The following CYLC2 variants were observed in gnomAD, a reference collection of about 807,000 sequenced individuals.
CYLC2 encodes cylicin 2, also known as cylicin-2.
A neutral mutation model predicts 26.1 loss-of-function variants in CYLC2; 30 were observed. That is an observed-to-expected ratio of 1.15 (90% CI 0.86 to 1.56). The LOEUF is 1.56. CYLC2 is among the 40% of genes most tolerant of loss of function. The pLI, the probability that CYLC2 is intolerant of heterozygous loss-of-function variation, is 0.00. For synonymous variants in CYLC2, 158 were observed against 132.8 expected, an observed-to-expected ratio of 1.19 and a Z score of -1.31; for missense variants, 498 against 394.4, an observed-to-expected ratio of 1.26 and a Z score of -2.23.
rs140387821 is a variant in CYLC2, at chr9:103,003,159, A to C, written c.76A>C (p.Lys26Gln). Residue 26 changes from lysine (K) to glutamine (Q), a missense_variant, in exon 3 of 8, where the codon AAA (lysine) becomes CAA (glutamine). Lys to Gln is a moderately conservative substitution (Grantham distance 53). Coordinates refer to ENST00000374798, the MANE Select transcript of CYLC2 (RefSeq NM_001340.5). ...NYIPVSELSK[K>Q]SWNQQHFALL... ...TATTTTAGTCAGTGAATTAAGCAAA[A>C]AATCATGGAATCAGCAACACTTTGC... 120 of 1,613,610 alleles carry C rather than the reference A, an allele frequency of 7.4e-5. No individual in the cohort carries two copies. The highest frequency in any genetic ancestry group is 1.0e-4 in the Non-Finnish European group (118 of 1,179,802).
chr9:103,004,677 A>G lies in CYLC2; in HGVS notation c.181-18A>G. 6.4e-7 allele frequency: 1 copy of G among 1,566,070 alleles called. No homozygotes were observed. ...ATTCACTCACAAGTTGTTCATCATT[A>G]TTGTAACCATCTTTCAGATAATTGA... On this transcript the variant is annotated intron_variant, in intron 3 of 7. Transcript: ENST00000374798.
intron 6 of CYLC2, among the ~76,000 whole-genome samples, chr9:103,016,310 G>A (rs1829505936): frequency 6.6e-6 from 1 of 151,942 alleles, no homozygotes; most frequent in Admixed American, 6.6e-5. Flanking sequence ...TTCAGAGAAA[G>A]CAGCAGTCAC....
intron 7 of CYLC2, among the ~76,000 whole-genome samples, chr9:103,017,626 T>C (rs912544403): frequency 6.6e-6 from 1 of 152,014 alleles, no homozygotes; most frequent in African/African-American, 2.4e-5. Context: ...ACAAAGAATA[T>C]CAATTGGTCC....
intron 1 of CYLC2, among the ~76,000 whole-genome samples, chr9:102,999,750 T>C (rs551956391): frequency 2.6e-5 from 4 of 152,050 alleles, no homozygotes; most frequent in Non-Finnish European, 5.9e-5. Context: ...ATTTATTTTG[T>C]CAATTGGAAT....
At chr9:102,999,305 T>C (rs975592801) in intron 1 of CYLC2, among the ~76,000 whole-genome samples, 10 of 151,912 alleles carry the variant, frequency 6.6e-5, no homozygotes, top group Non-Finnish European at 1.5e-4. Context: ...ATATAATCAT[T>C]AAACTAGTAT....
At position 103,011,805 on chromosome 9, in the gene CYLC2, T is replaced by C. The variant is rs1829409419; in HGVS notation, c.*701-177T>C. Among the ~76,000 whole-genome samples the C allele has an allele frequency of 2.6e-5, 4 of 152,188 alleles. No homozygotes were observed. The South Asian group carries it at 8.3e-4, about 32-fold the overall frequency. ...GTTGTAGCTATTTGCATAATTTTTA[T>C]ACAAAGTTTGGCCTCTTTAGAAAGT... On this transcript the variant is annotated intron_variant, in intron 5 of 7. Transcript: ENST00000374798.
chr9:103,005,838 A>T lies in CYLC2; in HGVS notation c.*160A>T. ...AAGGATACAAAGGAGAACTCAGCAGAGATTTATAAAAATATATAAGAAAGA... is the reference window on the plus strand; with the variant it reads ...AAGGATACAAAGGAGAACTCAGCAGTGATTTATAAAAATATATAAGAAAGA... On this transcript the variant is annotated 3_prime_UTR_variant, in exon 5 of 8. Transcript: ENST00000374798. 1 of 748,858 alleles carries T rather than the reference A, an allele frequency of 1.3e-6. No individual in the cohort carries two copies. Among genetic ancestry groups the T allele is most frequent in the South Asian group, 2.7e-5 (1 of 37,060 alleles). 46.4% of individuals were successfully genotyped at this position (748,858 alleles called of 1,614,324 possible). A position where few individuals can be genotyped will look rare whatever the true frequency, so the allele number is the denominator to read the frequency against.
intron 6 of CYLC2, among the ~76,000 whole-genome samples, chr9:103,013,156 T>TATATAGTATATAAATATATATTTA (rs1829428238): frequency 9.0e-6 from 1 of 111,244 alleles, no homozygotes; most frequent in African/African-American, 3.5e-5. Flanking sequence ...CATATATAAA[T>TATATAGTATATAAATATATATTTA]ATATATTATA....
chr9:102,998,914 C>A (rs1829262156), intron 1 of CYLC2, among the ~76,000 whole-genome samples: 1 of 151,700 alleles, frequency 6.6e-6, no homozygotes, highest in African/African-American at 2.4e-5. Flanking sequence ...CCTTTGTATT[C>A]ATTAAAGTTT....
intron 2 of CYLC2, 65 bp downstream of exon 2, chr9:103,001,683 C>A: frequency 2.0e-6 from 2 of 998,328 alleles, no homozygotes; most frequent in South Asian, 1.5e-5. Context: ...GTATTATCCT[C>A]TATTCAAAGT....
Position 103,016,927 on chromosome 9 carries a change from T to A in CYLC2, c.*856T>A, listed in dbSNP as rs1829513353. 6.6e-6 allele frequency: 1 copy of A among 151,974 alleles called. No homozygotes were observed. Among genetic ancestry groups the A allele is most frequent in the Non-Finnish European group, 1.5e-5 (1 of 67,958 alleles). 9.4% of individuals were successfully genotyped at this position (151,974 alleles called of 1,614,324 possible). A position where few individuals can be genotyped will look rare whatever the true frequency, so the allele number is the denominator to read the frequency against. On this transcript the variant is annotated 3_prime_UTR_variant, in exon 7 of 8. Coordinates refer to ENST00000374798, the MANE Select transcript of CYLC2 (RefSeq NM_001340.5). ...TGGCATTTCTTGCTGGAGAAAGTTA[T>A]CACAAGTGGAAAGGTTACCCTAGAA...
rs1564101200 is a variant in CYLC2, at chr9:103,014,528, A to ATATACATCATATATTATGCAG, written c.*817-2348_*817-2347insATTATGCAGTATACATCATAT. ...ATATGTAATATACATAATATATGCA[A>ATATACATCATATATTATGCAG]TATACATCATATGTATATTATGCAG... is the stretch of plus-strand genomic sequence containing the variant. On this transcript the variant is annotated intron_variant, in intron 6 of 7. Transcript: ENST00000374798. 6.6e-5 allele frequency among the ~76,000 whole-genome samples: 9 copies of ATATACATCATATATTATGCAG among 136,412 alleles called. 1 individual carries two copies. Among genetic ancestry groups the ATATACATCATATATTATGCAG allele is most frequent in the Admixed American group, 4.5e-4 (6 of 13,444 alleles). 89.5% of individuals were successfully genotyped at this position (136,412 alleles called of 152,430 possible). A position where few individuals can be genotyped will look rare whatever the true frequency, so the allele number is the denominator to read the frequency against.
intron 5 of CYLC2, among the ~76,000 whole-genome samples, chr9:103,007,803 G>A (rs1463592559): frequency 6.6e-6 from 1 of 152,122 alleles, no homozygotes; most frequent in Non-Finnish European, 1.5e-5. Flanking sequence ...TAAAGGAAGG[G>A]TCTCCTAGTC....
chr9:103,004,281 G>C (rs936834321), intron 3 of CYLC2, among the ~76,000 whole-genome samples: 2 of 151,988 alleles, frequency 1.3e-5, no homozygotes, highest in African/African-American at 4.8e-5. Flanking sequence ...AATGAAAATA[G>C]ACTAAGATAT....
Position 103,002,404 on chromosome 9 carries a change from C to T in CYLC2, c.59-738C>T, listed in dbSNP as rs943215328. Among the ~76,000 whole-genome samples the T allele has an allele frequency of 7.5e-5, 9 of 119,558 alleles. 1 individual carries two copies. In the Admixed American group the frequency reaches 8.3e-4, roughly 11 times the overall value. The allele number at this position is 119,558 out of a possible 152,430, so 78.4% of individuals were successfully genotyped here. ...TTTTTGAGACAGAGTCTTGCTCTGT[C>T]GCTCAAGCTGGAGTGCAGTGGCATG... On this transcript the variant is annotated intron_variant, in intron 2 of 7. Transcript: ENST00000374798.
intron 6 of CYLC2, among the ~76,000 whole-genome samples, chr9:103,012,601 A>T (rs1829419214): frequency 6.6e-6 from 1 of 150,718 alleles, no homozygotes; most frequent in African/African-American, 2.5e-5. Flanking sequence ...TGCTTGTGTA[A>T]ATAAAGTAAA....
intron 6 of CYLC2, among the ~76,000 whole-genome samples, 170 bp from the exon 7 acceptor site, chr9:103,016,718 A>T (rs944838183): frequency 5.9e-5 from 9 of 152,068 alleles, no homozygotes; most frequent in Non-Finnish European, 1.2e-4. Flanking sequence ...ATTTACAAGG[A>T]AAGACAACTT....
intron 6 of CYLC2, among the ~76,000 whole-genome samples, chr9:103,012,354 T>C (rs1437008058): frequency 6.6e-6 from 1 of 152,092 alleles, no homozygotes; most frequent in Non-Finnish European, 1.5e-5. Flanking sequence ...TCAGGTCCAC[T>C]TTTTTAACCA....
chr9:103,009,186 C>G (rs1829380921), intron 5 of CYLC2, among the ~76,000 whole-genome samples: 1 of 152,066 alleles, frequency 6.6e-6, no homozygotes, highest in Non-Finnish European at 1.5e-5. Context: ...TTACATTTTA[C>G]ATTTCCAGAT....
Sources: gnomAD v4.1 joint callset for allele counts (sites outside exome capture counted in the v4.1 genomes callset) on GRCh38, gnomAD v4.1.1 for gene constraint, MANE v1.5 for transcripts, NCBI Gene and HGNC (gene_info 2026-07-23, HGNC 2026-07-21) for gene names.